WDR64: variants seen among roughly 807,000 people sequenced by gnomAD.
WDR64 encodes the protein WD repeat domain 64, also known as WD repeat-containing protein 64.
WDR64 carries 112 observed loss-of-function variants against 139.3 expected under a neutral mutation model. The observed-to-expected ratio is 0.80, with a 90% CI of 0.69 to 0.94. The LOEUF is 0.94. Ranked by LOEUF, WDR64 falls within the 40% of genes least tolerant of loss-of-function variation. The pLI, the probability that WDR64 is intolerant of heterozygous loss-of-function variation, is 0.00. For synonymous variants in WDR64, 444 were observed against 437.7 expected (o/e 1.01, Z -0.18); for missense variants, 1,206 against 1,293.1 (o/e 0.93, Z 1.03).
intron 23 of WDR64, among the ~76,000 whole-genome samples, chr1:241,784,340 G>C (rs1478169216): frequency 6.6e-6 from 1 of 152,154 alleles, no homozygotes; most frequent in Non-Finnish European, 1.5e-5. Flanking sequence ...TGAAGTCCAG[G>C]GTGAATGTAG....
At chr1:241,721,124 T>C (rs1668592954) in intron 9 of WDR64, among the ~76,000 whole-genome samples, 1 of 152,190 alleles carries the variant, frequency 6.6e-6, no homozygotes, top group Non-Finnish European at 1.5e-5. Context: ...GTTTTATTTC[T>C]GAGATCTCTA....
chr1:241,713,016 A>C (rs111385799), intron 9 of WDR64, among the ~76,000 whole-genome samples: 4,643 of 151,644 alleles, frequency 0.031, 231 homozygotes, highest in African/African-American at 0.11. Context: ...CAATAAGAAA[A>C]TAACACCTGG....
At chr1:241,746,819 G>A (rs1419620316) in intron 13 of WDR64, among the ~76,000 whole-genome samples, 1 of 151,410 alleles carries the variant, frequency 6.6e-6, no homozygotes, top group East Asian at 2.0e-4. Flanking sequence ...GTGCAGGGGC[G>A]CAGGGTCTCG....
chr1:241,661,204 ATC>A (rs1665820004), intron 2 of WDR64, among the ~76,000 whole-genome samples: 1 of 152,036 alleles, frequency 6.6e-6, no homozygotes, highest in African/African-American at 2.4e-5. Context: ...AAAAGTAAGA[ATC>A]TAAGGGATTT....
intron 18 of WDR64, 129 bp from the exon 19 acceptor site, chr1:241,771,532 A>G: frequency 3.4e-6 from 2 of 594,274 alleles, no homozygotes; most frequent in Non-Finnish European, 5.2e-6. Context: ...TCAAAAAAAA[A>G]TTAAAGTATA....
Position 241,744,332 on chromosome 1 carries a change from C to T in WDR64, c.1471-61C>T, listed in dbSNP as rs1669664933. 7.5e-6 allele frequency: 12 copies of T among 1,599,422 alleles called. 1 individual carries two copies. The South Asian group carries it at 1.4e-4, about 18-fold the overall frequency. On this transcript the variant is annotated intron_variant, in intron 12 of 27. Coordinates refer to ENST00000437684, the MANE Select transcript of WDR64 (RefSeq NM_001367482.1). ...AGGCTGTTTTGAATATGGTGTAATT[C>T]TGATGAGAATTGAAGGGCTTCTTCA...
At position 241,696,250 on chromosome 1, in the gene WDR64, A is replaced by G. The variant is rs9660145; in HGVS notation, c.974+8655A>G. ...GTTCCTTTCTCTGACCTCCTCTTTT[A>G]TCTTATCAGCTCTTGAACACTCTAA... On this transcript the variant is annotated intron_variant, in intron 8 of 27. Transcript: ENST00000437684. Among the ~76,000 whole-genome samples, 1,001 of 146,248 alleles carry G rather than the reference A, an allele frequency of 6.8e-3. 13 individuals carry two copies. Among genetic ancestry groups the G allele is most frequent in the African/African-American group, 0.024 (953 of 39,552 alleles).
intron 8 of WDR64, among the ~76,000 whole-genome samples, chr1:241,705,358 G>A (rs939653473): frequency 1.3e-5 from 2 of 151,784 alleles, no homozygotes; most frequent in Admixed American, 6.6e-5. Context: ...CGGCTAACAC[G>A]GTGAAACCCC....
intron 22 of WDR64, among the ~76,000 whole-genome samples, chr1:241,782,567 C>T (rs1658889627): frequency 6.6e-6 from 1 of 152,152 alleles, no homozygotes; most frequent in Admixed American, 6.5e-5. Flanking sequence ...AGAGCAAGCT[C>T]TCCACTTAAC....
intron 12 of WDR64, among the ~76,000 whole-genome samples, chr1:241,742,808 A>G (rs926129423): frequency 6.6e-6 from 1 of 152,136 alleles, no homozygotes; most frequent in South Asian, 2.1e-4. Context: ...CCCCTTTCCC[A>G]TAACACGGCC....
Position 241,801,486 on chromosome 1 carries a change from T to G in WDR64, c.*271T>G. 1 of 476,348 alleles carries G rather than the reference T, an allele frequency of 2.1e-6. No individual in the cohort carries two copies. Among genetic ancestry groups the G allele is most frequent in the Non-Finnish European group, 3.7e-6 (1 of 269,108 alleles). The allele number at this position is 476,348 out of a possible 1,614,324, so 29.5% of individuals were successfully genotyped here. On this transcript the variant is annotated 3_prime_UTR_variant, in exon 28 of 28. Transcript: ENST00000437684. ...AAGAAAACAAATGAAATCAACAGCATTAGTAGGTCTAAAATAATATGGTTA... is the reference window on the plus strand; with the variant it reads ...AAGAAAACAAATGAAATCAACAGCAGTAGTAGGTCTAAAATAATATGGTTA...
chr1:241,719,962 C>T (rs1668545720), intron 9 of WDR64, among the ~76,000 whole-genome samples: 1 of 152,092 alleles, frequency 6.6e-6, no homozygotes, highest in African/African-American at 2.4e-5. Context: ...CTCTCTTCCT[C>T]ACCACCCAGT....
rs568462886 is a variant in WDR64, at chr1:241,753,325, T to C, written c.1770+3603T>C. Reference sequence around the variant, plus strand: ...AGTCCTGTTCTGCAAGCAAAATAATTGACCTTAAAATTTTGACTTTTATTC... The same window carrying C: ...AGTCCTGTTCTGCAAGCAAAATAATCGACCTTAAAATTTTGACTTTTATTC... On this transcript the variant is annotated intron_variant, in intron 14 of 27. Coordinates refer to ENST00000437684, the MANE Select transcript of WDR64 (RefSeq NM_001367482.1). Among the ~76,000 whole-genome samples, 17 of 152,300 alleles carry C rather than the reference T, an allele frequency of 1.1e-4. No individual in the cohort carries two copies. In the South Asian group the frequency reaches 3.5e-3, roughly 32 times the overall value.
intron 24 of WDR64, among the ~76,000 whole-genome samples, 159 bp from the exon 25 acceptor site, chr1:241,790,432 C>CAACTGGT: frequency 6.6e-6 from 1 of 151,986 alleles, no homozygotes; most frequent in Non-Finnish European, 1.5e-5. Context: ...TTTGGGAAAC[C>CAACTGGT]AACTGGTATA....
rs139537956 is a variant in WDR64 at position 241,687,258 on chromosome 1, C to G, written c.840-203C>G. 2.0e-4 allele frequency among the ~76,000 whole-genome samples: 30 copies of G among 149,464 alleles called. 1 individual carries two copies. The highest frequency in any genetic ancestry group is 7.4e-4 in the African/African-American group (30 of 40,482). On this transcript the variant is annotated intron_variant, in intron 7 of 27. Transcript: ENST00000437684. ...GGCAGAGGTTGCAGTGAGCCGAGATCGCACCACTGCACACTCCAGCCTAGG... is the reference window on the plus strand; with the variant it reads ...GGCAGAGGTTGCAGTGAGCCGAGATGGCACCACTGCACACTCCAGCCTAGG...
At chr1:241,751,458 A>G (rs960790531) in intron 14 of WDR64, among the ~76,000 whole-genome samples, 4 of 152,104 alleles carry the variant, frequency 2.6e-5, no homozygotes, top group Non-Finnish European at 5.9e-5. Context: ...TGCCTTAAAA[A>G]CAAAAACAAA....
In WDR64 at chr1:241,687,451, T is replaced by C. The variant is rs146579868; in HGVS notation, c.840-10T>C. ...AACATAAATCTCCCCTGCCTTTTCT[T>C]AATCCCCAGTGTTAAAAGGAAGCTA... On this transcript the variant is annotated splice_polypyrimidine_tract_variant and intron_variant, in intron 7 of 27. Transcript: ENST00000437684. 142 of 1,613,362 alleles carry C rather than the reference T, an allele frequency of 8.8e-5. No individual in the cohort carries two copies. In the East Asian group the frequency reaches 3.1e-3, roughly 35 times the overall value.
chr1:241,679,428 T>C, intron 5 of WDR64, 57 bp from the exon 6 acceptor site: 2 of 1,436,300 alleles, frequency 1.4e-6, no homozygotes, highest in Non-Finnish European at 9.6e-7. Flanking sequence ...TTGGTGACCA[T>C]CACCAGGTCA....
chr1:241,702,980 C>G (rs1293850240), intron 8 of WDR64, among the ~76,000 whole-genome samples: 1 of 152,152 alleles, frequency 6.6e-6, no homozygotes, highest in Non-Finnish European at 1.5e-5. Flanking sequence ...CTATTGCACC[C>G]TCCCTTGCCC....
Sources: gnomAD v4.1 joint callset for allele counts (sites outside exome capture counted in the v4.1 genomes callset) on GRCh38, gnomAD v4.1.1 for gene constraint, MANE v1.5 for transcripts, NCBI Gene and HGNC (gene_info 2026-07-23, HGNC 2026-07-21) for gene names.